The following CSE1L variants were observed in gnomAD, a reference collection of about 807,000 sequenced individuals.
CSE1L encodes exportin-2.
CSE1L carries 24 observed loss-of-function variants against 120.4 expected under a neutral mutation model. The observed-to-expected ratio is 0.20, with a 90% CI of 0.14 to 0.28. The LOEUF (loss-of-function observed/expected upper bound fraction) is 0.28, where lower values mean the gene tolerates loss of function less well. Among genes scored for constraint, CSE1L ranks in the 10% least tolerant of loss-of-function variants. The probability of loss-of-function intolerance (pLI) is 1.00; values close to 1 mark genes in which losing one functional copy is unlikely to be tolerated. For synonymous variants in CSE1L, 402 were observed against 398.3 expected, an observed-to-expected ratio of 1.01 and a Z score of -0.11; for missense variants, 830 against 1,145.2, an observed-to-expected ratio of 0.72 and a Z score of 3.97.
chr20:49,094,177 G>A lies in CSE1L; in HGVS notation c.2485G>A (p.Glu829Lys). Residue 829 changes from glutamate (E) to lysine (K), a missense_variant, in exon 23 of 25, where the codon GAA becomes AAA. Physicochemically the swap from Glu to Lys is moderately conservative, Grantham distance 56. Coordinates refer to ENST00000262982, the MANE Select transcript of CSE1L (RefSeq NM_001316.4). ...GMVLEKIIIPEIQKVSGNVEK... is the reference protein window; with the variant it reads ...GMVLEKIIIPKIQKVSGNVEK... ...GGTTTTGGAAAAAATTATTATTCCT[G>A]AAATTCAGAAGGTATCTGGAAATGT... The A allele has an allele frequency of 6.3e-7, 1 of 1,589,474 alleles. No individual in the cohort carries two copies. The highest frequency in any genetic ancestry group is 8.6e-7 in the Non-Finnish European group (1 of 1,163,638).
At chr20:49,074,900 A>G (rs774466244) in intron 11 of CSE1L, 50 bp downstream of exon 11, 1 of 1,434,114 alleles carries the variant, frequency 7.0e-7, no homozygotes, top group South Asian at 1.2e-5. Flanking sequence ...GCCAGTTTTA[A>G]GGTGGTTCTC....
intron 6 of CSE1L, 64 bp from the exon 7 acceptor site, chr20:49,068,651 T>G: frequency 9.7e-7 from 1 of 1,028,826 alleles, no homozygotes; most frequent in African/African-American, 1.6e-5. Context: ...CAAGGCTGTT[T>G]CACTAAGATC....
At chr20:49,057,280 C>T (rs781713447) in intron 1 of CSE1L, among the ~76,000 whole-genome samples, 2 of 152,098 alleles carry the variant, frequency 1.3e-5, no homozygotes, top group East Asian at 3.9e-4. Flanking sequence ...GAATCATAAT[C>T]TTAGCTGTCA....
At chr20:49,078,538 T>C in intron 13 of CSE1L, 23 bp from the exon 14 acceptor site, 1 of 1,523,602 alleles carries the variant, frequency 6.6e-7, no homozygotes, top group South Asian at 1.2e-5. Flanking sequence ...TAAGTAACTG[T>C]GGCTTTCTGT....
At chr20:49,069,127 G>A (rs573716095) in intron 7 of CSE1L, among the ~76,000 whole-genome samples, 1 of 152,184 alleles carries the variant, frequency 6.6e-6, no homozygotes, top group South Asian at 2.1e-4. Context: ...AGATTTCTGA[G>A]GCCTTCCTCT....
intron 10 of CSE1L, 25 bp from the exon 11 acceptor site, chr20:49,074,760 T>C (rs751746392): frequency 3.7e-6 from 6 of 1,600,062 alleles, no homozygotes; most frequent in South Asian, 1.1e-5. Flanking sequence ...TGGAGTGTTA[T>C]CTGAAATATC....
At chr20:49,066,341 C>G in intron 4 of CSE1L, 24 bp from the exon 5 acceptor site, 1 of 1,614,068 alleles carries the variant, frequency 6.2e-7, no homozygotes, top group Admixed American at 1.7e-5. Context: ...AAGCTCTGAT[C>G]TAATTAATCT....
Position 49,066,390 on chromosome 20 carries a change from G to A in CSE1L, c.356G>A (p.Gly119Asp). Residue 119 changes from glycine to aspartate, a missense_variant, in exon 5 of 25, where the codon GGC becomes GAC. Transcript: ENST00000262982. ...TTAAGTGATGCAATTAGCATTATTG[G>A]CAGAGAAGATTTTCCACAGAAATGG... ...KQLSDAISIIGREDFPQKWPD... is the reference protein window; with the variant it reads ...KQLSDAISIIDREDFPQKWPD... 1.2e-6 allele frequency: 2 copies of A among 1,614,158 alleles called. No individual in the cohort carries two copies. The highest frequency in any genetic ancestry group is 1.3e-5 in the African/African-American group (1 of 75,038).
chr20:49,082,437 C>T (rs944623779), intron 14 of CSE1L, among the ~76,000 whole-genome samples: 1 of 151,926 alleles, frequency 6.6e-6, no homozygotes, highest in Non-Finnish European at 1.5e-5. Context: ...ATTCACCACG[C>T]CTGGCCTAGG....
chr20:49,056,831 CAT>C (rs1329514176), intron 1 of CSE1L, among the ~76,000 whole-genome samples: 4 of 149,688 alleles, frequency 2.7e-5, no homozygotes, highest in Non-Finnish European at 4.4e-5. Flanking sequence ...AGCTAATTAA[CAT>C]ATTACTTCAC....
intron 15 of CSE1L, 106 bp from the exon 16 acceptor site, chr20:49,085,177 T>G (rs1180581514): frequency 3.9e-6 from 3 of 776,026 alleles, no homozygotes; most frequent in Non-Finnish European, 6.7e-6. Flanking sequence ...TGGTGGGAGA[T>G]GGCTCAGTTT....
chr20:49,088,688 T>G (rs1207900922), intron 17 of CSE1L, among the ~76,000 whole-genome samples: 3 of 152,188 alleles, frequency 2.0e-5, no homozygotes, highest in South Asian at 4.1e-4. Flanking sequence ...ACAGAGTGAT[T>G]ATTATTCAAC....
At chr20:49,072,764 A>G in intron 10 of CSE1L, 67 bp downstream of exon 10, 2 of 1,405,880 alleles carry the variant, frequency 1.4e-6, no homozygotes, top group Non-Finnish European at 1.9e-6. Flanking sequence ...TAACATATTC[A>G]GTCTAATTCA....
At chr20:49,089,828 T>G (rs2092087537) in intron 19 of CSE1L, 82 bp downstream of exon 19, 2 of 1,347,722 alleles carry the variant, frequency 1.5e-6, no homozygotes, top group African/African-American at 2.9e-5. Context: ...AATTTTTTTA[T>G]TTAAAATAAA....
chr20:49,056,624 A>G (rs988654719), intron 1 of CSE1L, among the ~76,000 whole-genome samples: 3 of 152,086 alleles, frequency 2.0e-5, no homozygotes, highest in African/African-American at 7.2e-5. Flanking sequence ...TAAGATTCCC[A>G]GGATTTGTGA....
At position 49,087,850 on chromosome 20, in the gene CSE1L, G is replaced by A. The variant is rs551264417; in HGVS notation, c.1724-159G>A. On this transcript the variant is annotated intron_variant, in intron 16 of 24. Transcript: ENST00000262982. ...ACCCGTCCTAATTTTAAAAGGAAGG[G>A]AAATTTAGATTATTTTTAAATGTAG... is the stretch of plus-strand genomic sequence containing the variant. Among the ~76,000 whole-genome samples the A allele has an allele frequency of 1.7e-3, 254 of 152,144 alleles. 1 individual carries two copies. The highest frequency in any genetic ancestry group is 3.4e-3 in the Middle Eastern group (1 of 292).
intron 6 of CSE1L, 123 bp from the exon 7 acceptor site, chr20:49,068,592 C>T: frequency 1.5e-6 from 1 of 662,630 alleles, no homozygotes; most frequent in Non-Finnish European, 2.6e-6. Flanking sequence ...GAGCAAGACT[C>T]CGTCTCAAAA....
At chr20:49,051,139 T>C (rs2091763548) in intron 1 of CSE1L, among the ~76,000 whole-genome samples, 1 of 152,166 alleles carries the variant, frequency 6.6e-6, no homozygotes, top group African/African-American at 2.4e-5. Flanking sequence ...ATATGCCTGA[T>C]AAAATGTACT....
At chr20:49,086,072 G>A (rs2092054527) in intron 16 of CSE1L, among the ~76,000 whole-genome samples, 1 of 152,176 alleles carries the variant, frequency 6.6e-6, no homozygotes. Context: ...CAAGGACACA[G>A]GCAGCTGTAT....
Sources: allele counts gnomAD v4.1 joint callset (sites outside exome capture counted in the v4.1 genomes callset), GRCh38; gene constraint gnomAD v4.1.1; transcripts MANE v1.5; gene names NCBI Gene and HGNC (gene_info 2026-07-23, HGNC 2026-07-21).